The following OPCML variants were observed in gnomAD, a reference collection of about 807,000 sequenced individuals.
OPCML encodes the protein opioid binding protein/cell adhesion molecule like, also known as opioid-binding protein/cell adhesion molecule.
OPCML carries 13 observed loss-of-function variants against 37.8 expected under a neutral mutation model. The ratio of observed to expected loss-of-function variants is 0.34; its 90% CI spans 0.22 to 0.55. The LOEUF is 0.55. OPCML is among the 20% of genes least tolerant of loss of function. The pLI is 0.91. For missense variants in OPCML, 341 were observed against 435.6 expected, an observed-to-expected ratio of 0.78 and a Z score of 1.93; for synonymous variants, 176 against 168.8, an observed-to-expected ratio of 1.04 and a Z score of -0.33.
intron 1 of OPCML, among the ~76,000 whole-genome samples, chr11:133,254,779 C>T (rs975382151): frequency 2.0e-5 from 3 of 152,132 alleles, no homozygotes; most frequent in Non-Finnish European, 2.9e-5. Flanking sequence ...GGGGAGTGCA[C>T]TGGAGATGTG....
chr11:132,769,613 G>A (rs1946570965), intron 2 of OPCML, among the ~76,000 whole-genome samples: 1 of 152,140 alleles, frequency 6.6e-6, no homozygotes, highest in Non-Finnish European at 1.5e-5. Context: ...GCTGCCTTTG[G>A]GTGGGCCAGT....
intron 4 of OPCML, among the ~76,000 whole-genome samples, chr11:132,508,890 G>A (rs1000913911): frequency 3.9e-5 from 6 of 152,160 alleles, no homozygotes; most frequent in Non-Finnish European, 8.8e-5. Context: ...GGATGCTGCT[G>A]AAAAGATACA....
At position 133,283,340 on chromosome 11, in the gene OPCML, A is replaced by G. The variant is rs1313713672; in HGVS notation, c.61+248924T>C. ...GTTGTCTACCATTACCAACCACGAT[A>G]TTTGGCTATTTAAAAGAGTGTGGCA... On this transcript the variant is annotated intron_variant, in intron 1 of 7. Coordinates refer to ENST00000524381, the MANE Select transcript of OPCML (RefSeq NM_001012393.5). 3.3e-5 allele frequency among the ~76,000 whole-genome samples: 5 copies of G among 151,942 alleles called. No individual in the cohort carries two copies. In the South Asian group the frequency reaches 6.2e-4, roughly 19 times the overall value.
intron 3 of OPCML, among the ~76,000 whole-genome samples, chr11:132,652,883 A>T (rs1256878245): frequency 6.6e-6 from 1 of 152,188 alleles, no homozygotes; most frequent in African/African-American, 2.4e-5. Flanking sequence ...AGCAACATCA[A>T]TCTGCTTCTG....
intron 1 of OPCML, among the ~76,000 whole-genome samples, chr11:133,294,936 G>T (rs1167337142): frequency 1.3e-5 from 2 of 148,420 alleles, no homozygotes; most frequent in African/African-American, 5.0e-5. Flanking sequence ...CAATTCTCCT[G>T]CCTCAGCCTC....
intron 2 of OPCML, among the ~76,000 whole-genome samples, chr11:132,775,620 G>A (rs538098424): frequency 5.9e-5 from 9 of 152,112 alleles, no homozygotes; most frequent in Non-Finnish European, 1.2e-4. Context: ...CTCCAGTGAC[G>A]CAATGATGTC....
intron 1 of OPCML, among the ~76,000 whole-genome samples, chr11:132,954,023 T>C (rs961378732): frequency 1.3e-5 from 2 of 152,252 alleles, no homozygotes; most frequent in Admixed American, 6.5e-5. Flanking sequence ...TTGTATAACA[T>C]GTCAGTTACT....
intron 4 of OPCML, among the ~76,000 whole-genome samples, chr11:132,488,635 G>A (rs544723796): frequency 6.6e-6 from 1 of 152,134 alleles, no homozygotes; most frequent in Non-Finnish European, 1.5e-5. Flanking sequence ...TCCACACATA[G>A]GCTACACTAA....
In OPCML at chr11:132,610,117, T is replaced by G. The variant is rs148422943; in HGVS notation, c.379+46970A>C. The stretch of plus-strand genomic sequence containing the variant: ...AACCATGCTTGTGCATGAGAATCAA[T>G]TACTCTATATCCCAGTTTTATAAAA... On this transcript the variant is annotated intron_variant, in intron 3 of 7. Transcript: ENST00000524381. Among the ~76,000 whole-genome samples the G allele has an allele frequency of 7.2e-5, 11 of 152,332 alleles. No individual in the cohort carries two copies. The East Asian group carries it at 2.1e-3, about 29-fold the overall frequency.
At chr11:133,063,276 C>T (rs1030974233) in intron 1 of OPCML, among the ~76,000 whole-genome samples, 17 of 152,274 alleles carry the variant, frequency 1.1e-4, no homozygotes, top group Admixed American at 2.6e-4. Context: ...CCCTGGGCCA[C>T]GGCTAGCCCT....
chr11:133,501,226 C>T (rs894616842), intron 1 of OPCML, among the ~76,000 whole-genome samples: 1 of 152,146 alleles, frequency 6.6e-6, no homozygotes, highest in African/African-American at 2.4e-5. Context: ...TGTCCACAGG[C>T]AACGCAAACT....
At chr11:132,441,144 G>A (rs2096031263) in intron 4 of OPCML, among the ~76,000 whole-genome samples, 1 of 148,530 alleles carries the variant, frequency 6.7e-6, no homozygotes, top group African/African-American at 2.5e-5. Flanking sequence ...TTCTGAAGAT[G>A]TGTTCACCAA....
At chr11:133,193,516 T>C (rs1420492223) in intron 1 of OPCML, among the ~76,000 whole-genome samples, 2 of 152,214 alleles carry the variant, frequency 1.3e-5, no homozygotes, top group African/African-American at 2.4e-5. Flanking sequence ...AGGAGTTGAA[T>C]GACCACAAAG....
intron 1 of OPCML, among the ~76,000 whole-genome samples, chr11:133,342,665 C>T (rs938073844): frequency 5.3e-5 from 8 of 152,136 alleles, no homozygotes; most frequent in African/African-American, 1.2e-4. Flanking sequence ...CTACAGGCAG[C>T]GGACAGCTCC....
intron 1 of OPCML, among the ~76,000 whole-genome samples, chr11:133,098,365 G>A (rs567387973): frequency 8.6e-5 from 13 of 151,770 alleles, no homozygotes; most frequent in Middle Eastern, 6.8e-3. Flanking sequence ...ACAGGCGCCC[G>A]CCACCACACC....
At chr11:132,567,509 A>G (rs1490109885) in intron 3 of OPCML, among the ~76,000 whole-genome samples, 1 of 152,174 alleles carries the variant, frequency 6.6e-6, no homozygotes, top group East Asian at 1.9e-4. Flanking sequence ...TCAAGGGACA[A>G]CTAGATAGGT....
intron 1 of OPCML, chr11:133,420,460 C>T: frequency 1.0e-6 from 1 of 985,336 alleles, no homozygotes; most frequent in Non-Finnish European, 1.2e-6. Context: ...TTGTTTTCCT[C>T]TCGTATGCTT....
At chr11:132,775,407 T>C (rs1376399327) in intron 2 of OPCML, among the ~76,000 whole-genome samples, 2 of 152,248 alleles carry the variant, frequency 1.3e-5, no homozygotes, top group Non-Finnish European at 2.9e-5. Context: ...ACCTGATAGC[T>C]GATTGGTTCA....
intron 1 of OPCML, among the ~76,000 whole-genome samples, chr11:133,413,945 T>G (rs1471460876): frequency 6.6e-6 from 1 of 152,042 alleles, no homozygotes; most frequent in Non-Finnish European, 1.5e-5. Flanking sequence ...AGGAGCTGCC[T>G]CTCCAGCCAA....
Sources: gnomAD v4.1 joint callset for allele counts (sites outside exome capture counted in the v4.1 genomes callset) on GRCh38, gnomAD v4.1.1 for gene constraint, MANE v1.5 for transcripts, NCBI Gene and HGNC (gene_info 2026-07-23, HGNC 2026-07-21) for gene names.